Variants in PARN observed in about 807,000 individuals in gnomAD.
PARN encodes the protein poly(A)-specific ribonuclease, also known as poly(A)-specific ribonuclease PARN.
In PARN, 71 loss-of-function variants were observed where a neutral mutation model predicts 102.8. The observed-to-expected ratio is 0.69, with a 90% CI of 0.57 to 0.84. The LOEUF is 0.84. PARN is among the 40% of genes least tolerant of loss of function. The pLI is 0.00. For synonymous variants in PARN, 261 were observed against 252.9 expected (o/e 1.03, Z -0.30); for missense variants, 782 against 760.9 (o/e 1.03, Z -0.33).
At chr16:14,576,551 CATTT>C (rs1466296378) in intron 18 of PARN, among the ~76,000 whole-genome samples, 2 of 152,196 alleles carry the variant, frequency 1.3e-5, no homozygotes, top group African/African-American at 4.8e-5. Context: ...AAGCAGAGAG[CATTT>C]TTAGCTCTTA....
intron 13 of PARN, among the ~76,000 whole-genome samples, chr16:14,591,650 T>G (rs755677550): frequency 5.9e-5 from 9 of 152,150 alleles, no homozygotes; most frequent in Non-Finnish European, 1.3e-4. Flanking sequence ...CAACGTTCAT[T>G]TTAAAGGATG....
At chr16:14,590,991 T>C (rs564608548) in intron 13 of PARN, among the ~76,000 whole-genome samples, 3 of 152,208 alleles carry the variant, frequency 2.0e-5, no homozygotes, top group African/African-American at 7.2e-5. Flanking sequence ...AGTGCACACC[T>C]GTGGTTTTAC....
At chr16:14,504,410 T>G (rs1192587584) in intron 21 of PARN, among the ~76,000 whole-genome samples, 1 of 151,846 alleles carries the variant, frequency 6.6e-6, no homozygotes, top group African/African-American at 2.4e-5. Context: ...ATACAAAAAA[T>G]TATCCGGGCA....
intron 21 of PARN, among the ~76,000 whole-genome samples, chr16:14,496,146 T>G (rs898799505): frequency 6.6e-6 from 1 of 152,136 alleles, no homozygotes; most frequent in Non-Finnish European, 1.5e-5. Context: ...AGAGGTTGAG[T>G]GGCCTGCTGA....
chr16:14,503,008 A>T (rs141507715), intron 21 of PARN, among the ~76,000 whole-genome samples: 2 of 152,190 alleles, frequency 1.3e-5, no homozygotes, highest in Non-Finnish European at 2.9e-5. Flanking sequence ...GCATTTTTTT[A>T]AATTGTGAGA....
chr16:14,518,291 C>CAAAAAAAAAAAAAAAAAAAAAAAAA (rs34169116), intron 21 of PARN, among the ~76,000 whole-genome samples: 1 of 52,270 alleles, frequency 1.9e-5, no homozygotes, highest in African/African-American at 8.8e-5. Flanking sequence ...GACCCTGTCT[C>CAAAAAAAAAAAAAAAAAAAAAAAAA]AAAAAAAAAA....
At chr16:14,538,198 T>C (rs1966694739) in intron 21 of PARN, among the ~76,000 whole-genome samples, 1 of 151,970 alleles carries the variant, frequency 6.6e-6, no homozygotes, top group Admixed American at 6.6e-5. Flanking sequence ...TTGTTTTCCT[T>C]GTATTTTCAA....
intron 22 of PARN, among the ~76,000 whole-genome samples, chr16:14,473,204 G>A (rs192421129): frequency 1.3e-5 from 2 of 152,326 alleles, no homozygotes; most frequent in East Asian, 1.9e-4. Flanking sequence ...GGGAAGAGAA[G>A]CTGCGAGTGA....
chr16:14,547,497 A>AG lies in PARN; in HGVS notation c.1480+4523dup, dbSNP rs1567371106. ...AAGGAGAGAGGACGGCTTGAGGCCAAGAGTTCAAGACCAGCCGAGCAACAT... is the reference window on the plus strand; with the variant it reads ...AAGGAGAGAGGACGGCTTGAGGCCAAGGAGTTCAAGACCAGCCGAGCAACAT... On this transcript the variant is annotated intron_variant, in intron 21 of 23. Coordinates refer to ENST00000437198, the MANE Select transcript of PARN (RefSeq NM_002582.4). 2.2e-3 allele frequency among the ~76,000 whole-genome samples: 337 copies of AG among 152,074 alleles called. 1 individual carries two copies. Among genetic ancestry groups the AG allele is most frequent in the African/African-American group, 7.3e-3 (304 of 41,496 alleles).
intron 21 of PARN, among the ~76,000 whole-genome samples, chr16:14,528,043 T>C (rs992346226): frequency 6.6e-6 from 1 of 152,208 alleles, no homozygotes; most frequent in Non-Finnish European, 1.5e-5. Context: ...ATTGAATATC[T>C]GAATTCACAA....
At chr16:14,535,100 C>T (rs1320952158) in intron 21 of PARN, among the ~76,000 whole-genome samples, 1 of 152,210 alleles carries the variant, frequency 6.6e-6, no homozygotes, top group Non-Finnish European at 1.5e-5. Flanking sequence ...TCCCAAAGTG[C>T]TGGGATTCCA....
chr16:14,464,008 G>T (rs116746218), intron 22 of PARN, among the ~76,000 whole-genome samples: 1,647 of 152,072 alleles, frequency 0.011, 28 homozygotes, highest in African/African-American at 0.036. Context: ...TAATTTTTTT[G>T]TGTGTGTATT....
rs377739970 is a variant in PARN, at chr16:14,622,934, G to A, written c.327+4172C>T. 1.5e-4 allele frequency among the ~76,000 whole-genome samples: 23 copies of A among 151,920 alleles called. No homozygotes were observed. The South Asian group carries it at 4.8e-3, about 32-fold the overall frequency. On this transcript the variant is annotated intron_variant, in intron 5 of 23. Coordinates refer to ENST00000437198, the MANE Select transcript of PARN (RefSeq NM_002582.4). ...GCCAAGGCAACATGGTAAAACCTTG[G>A]CTCTACAAAAAATACAAAAATTAGC...
chr16:14,506,783 G>A (rs1964915882), intron 21 of PARN, among the ~76,000 whole-genome samples: 1 of 152,104 alleles, frequency 6.6e-6, no homozygotes. Context: ...CTGAGCCCAG[G>A]AGTTCAAGTC....
intron 21 of PARN, among the ~76,000 whole-genome samples, chr16:14,550,274 A>G (rs1319283791): frequency 2.0e-5 from 3 of 152,176 alleles, no homozygotes; most frequent in African/African-American, 7.2e-5. Context: ...CTATGCAAAA[A>G]TTAAAATATT....
intron 23 of PARN, among the ~76,000 whole-genome samples, chr16:14,445,138 G>A (rs929955721): frequency 3.3e-5 from 5 of 151,790 alleles, no homozygotes; most frequent in Non-Finnish European, 4.4e-5. Context: ...CCCTCCAATA[G>A]TTAAGTCAGG....
chr16:14,548,894 C>T (rs1967125104), intron 21 of PARN, among the ~76,000 whole-genome samples: 1 of 150,634 alleles, frequency 6.6e-6, no homozygotes. Context: ...GTGGAGGCTG[C>T]AGTGAGTCGA....
At chr16:14,448,539 C>T (rs926850275) in intron 22 of PARN, among the ~76,000 whole-genome samples, 5 of 152,156 alleles carry the variant, frequency 3.3e-5, no homozygotes, top group East Asian at 1.9e-4. Flanking sequence ...CTGCCCACCT[C>T]GGCCTCCCAA....
At chr16:14,499,685 T>C (rs1964488905) in intron 21 of PARN, among the ~76,000 whole-genome samples, 2 of 152,034 alleles carry the variant, frequency 1.3e-5, no homozygotes, top group South Asian at 2.1e-4. Context: ...ACTGGTTAGA[T>C]AAAAAAGTCA....
Sources: allele counts gnomAD v4.1 joint callset (sites outside exome capture counted in the v4.1 genomes callset), GRCh38; gene constraint gnomAD v4.1.1; transcripts MANE v1.5; gene names NCBI Gene and HGNC (gene_info 2026-07-23, HGNC 2026-07-21).